FGF13: variants seen among roughly 807,000 people sequenced by gnomAD.
The protein encoded by FGF13 is fibroblast growth factor homologous factor 2.
FGF13 carries 2 observed loss-of-function variants against 19.5 expected under a neutral mutation model. The observed-to-expected ratio is 0.10, with a 90% CI of 0.04 to 0.32. FGF13 has a LOEUF of 0.32. FGF13 is among the 10% of genes least tolerant of loss of function. FGF13 has a pLI of 1.00. For synonymous variants in FGF13, 72 were observed against 76.9 expected (o/e 0.94, Z 0.33); for missense variants, 113 against 192.7 (o/e 0.59, Z 2.45).
intron 1 of FGF13, among the ~76,000 whole-genome samples, chrX:138,933,931 G>A (rs909594786): frequency 9.8e-5 from 11 of 111,732 alleles, no homozygotes; most frequent in Non-Finnish European, 1.9e-4. Context: ...CATTAAACTG[G>A]ATTAAGTTAT....
chrX:138,741,989 C>T (rs991411231), upstream of FGF13, among the ~76,000 whole-genome samples: 2 of 111,853 alleles, frequency 1.8e-5, no homozygotes, highest in South Asian at 7.6e-4. Flanking sequence ...CAGGTTTGTT[C>T]AAGAACTTCC....
At chrX:139,098,473 G>C (rs766000056) in intron 1 of FGF13, among the ~76,000 whole-genome samples, 17 of 111,387 alleles carry the variant, frequency 1.5e-4, no homozygotes, top group Non-Finnish European at 2.4e-4. Flanking sequence ...AATCAAACTA[G>C]ATGCCCTTCA....
chrX:138,649,796 A>G (rs2089349169), intron 3 of FGF13, among the ~76,000 whole-genome samples: 1 of 112,558 alleles, frequency 8.9e-6, no homozygotes, highest in African/African-American at 3.2e-5. Flanking sequence ...TGGTTTGTGT[A>G]AAGAATCACA....
chrX:138,821,896 T>C (rs1001396339), intron 3 of FGF13, among the ~76,000 whole-genome samples: 1 of 111,614 alleles, frequency 9.0e-6, no homozygotes, highest in African/African-American at 3.3e-5. Flanking sequence ...TATTCTCCCA[T>C]AGCCTAGTTT....
rs1385440744 is a variant in FGF13, at chrX:138,620,466, G to C, written c.*12384C>G. ...CTGCATATCCTGCACATGTACCCTG[G>C]AACTTAAAATAAAAATAAAAATTAT... On this transcript the variant is annotated 3_prime_UTR_variant, in exon 5 of 5. Transcript: ENST00000315930. 2 of 109,378 alleles carry C rather than the reference G, an allele frequency of 1.8e-5. No homozygotes were observed. The highest frequency in any genetic ancestry group is 3.8e-5 in the Non-Finnish European group (2 of 52,612). The allele number at this position is 109,378 out of a possible 1,213,427, so 9.0% of individuals were successfully genotyped here. A position where few individuals can be genotyped will look rare whatever the true frequency, so the allele number is the denominator to read the frequency against.
intron 1 of FGF13, among the ~76,000 whole-genome samples, chrX:139,099,377 C>CAAA (rs59882808): frequency 1.5e-4 from 5 of 32,931 alleles, no homozygotes; most frequent in Admixed American, 4.0e-4. Context: ...GTTTCTATCT[C>CAAA]AAAAAAAAAA....
rs183100683 is a variant in FGF13 at position 139,120,920 on chromosome X, A to G, written c.-113+82496T>C. Among the ~76,000 whole-genome samples, 35 of 112,670 alleles carry G rather than the reference A, an allele frequency of 3.1e-4. No individual in the cohort carries two copies. The Admixed American group carries it at 3.3e-3, about 11-fold the overall frequency. Reference sequence around the variant, plus strand: ...GAAGGCAGAGGAGGCAGAGAAAATAACAAGCATGTTACTCATTCTTAAACC... The same window carrying G: ...GAAGGCAGAGGAGGCAGAGAAAATAGCAAGCATGTTACTCATTCTTAAACC... On this transcript the variant is annotated intron_variant, in intron 1 of 2. Coordinates refer to the FGF13 transcript ENST00000421460.
At chrX:139,088,521 C>T (rs779909877) in intron 1 of FGF13, among the ~76,000 whole-genome samples, 2 of 102,921 alleles carry the variant, frequency 1.9e-5, no homozygotes, top group South Asian at 9.4e-4. Context: ...CAGTTGGATT[C>T]ACTCAGCATT....
chrX:138,921,833 G>T (rs936162478), intron 1 of FGF13, among the ~76,000 whole-genome samples: 47 of 109,565 alleles, frequency 4.3e-4, no homozygotes, highest in African/African-American at 1.6e-3. Context: ...TCTGCACTGT[G>T]CTAGGCACTG....
chrX:139,084,768 A>G (rs916757748), intron 1 of FGF13, among the ~76,000 whole-genome samples: 5 of 112,304 alleles, frequency 4.5e-5, no homozygotes, highest in Non-Finnish European at 9.4e-5. Context: ...ACAAGCTATC[A>G]TTTGTTCCTC....
At chrX:139,087,553 A>G (rs1044185916) in intron 1 of FGF13, among the ~76,000 whole-genome samples, 1 of 111,934 alleles carries the variant, frequency 8.9e-6, no homozygotes, top group African/African-American at 3.3e-5. Flanking sequence ...ATCTTTCGAT[A>G]AACTGTACAT....
At chrX:138,899,325 C>A (rs915919135) in intron 1 of FGF13, among the ~76,000 whole-genome samples, 3 of 111,145 alleles carry the variant, frequency 2.7e-5, no homozygotes, top group Middle Eastern at 4.6e-3. Flanking sequence ...ATTTCAATGT[C>A]ATGGTTGTTA....
At chrX:138,900,022 A>AG (rs2091524019) in intron 1 of FGF13, among the ~76,000 whole-genome samples, 1 of 111,247 alleles carries the variant, frequency 9.0e-6, no homozygotes, top group African/African-American at 3.3e-5. Flanking sequence ...GGTTTTGGAG[A>AG]TAAAAAAAAT....
At chrX:139,070,284 A>C (rs1413694991) in intron 1 of FGF13, among the ~76,000 whole-genome samples, 2 of 112,308 alleles carry the variant, frequency 1.8e-5, no homozygotes, top group African/African-American at 3.2e-5. Context: ...AATTTACAAG[A>C]AAAAAACGAA....
chrX:138,857,824 A>G (rs2091267395), intron 2 of FGF13: 1 of 461,323 alleles, frequency 2.2e-6, no homozygotes. Context: ...TAGCTTGGCG[A>G]TTTTATTTTA....
chrX:138,668,981 A>G (rs2089583982), intron 3 of FGF13, among the ~76,000 whole-genome samples: 1 of 111,453 alleles, frequency 9.0e-6, no homozygotes, highest in African/African-American at 3.3e-5. Flanking sequence ...GGGCTGAATA[A>G]TTAAGAATTA....
chrX:138,691,142 G>T (rs1376924620), intron 3 of FGF13, among the ~76,000 whole-genome samples: 1 of 111,396 alleles, frequency 9.0e-6, no homozygotes, highest in Non-Finnish European at 1.9e-5. Context: ...TGCTTCAAAG[G>T]TTATGATACA....
At chrX:139,053,192 G>A (rs1332774651) in intron 1 of FGF13, among the ~76,000 whole-genome samples, 1 of 111,113 alleles carries the variant, frequency 9.0e-6, no homozygotes, top group Non-Finnish European at 1.9e-5. Context: ...CCTTTTTATG[G>A]CTGAGTAGTA....
chrX:138,732,677 T>A (rs1367541996), intron 1 of FGF13, among the ~76,000 whole-genome samples: 4 of 110,926 alleles, frequency 3.6e-5, no homozygotes, highest in African/African-American at 1.3e-4. Flanking sequence ...ATTGCACGAG[T>A]ATGTGTATTT....
Sources: allele counts gnomAD v4.1 joint callset (sites outside exome capture counted in the v4.1 genomes callset), GRCh38; gene constraint gnomAD v4.1.1; transcripts MANE v1.5; gene names NCBI Gene and HGNC (gene_info 2026-07-23, HGNC 2026-07-21).